The following BPHL variants were observed in gnomAD, a reference collection of about 807,000 sequenced individuals.
BPHL encodes the protein serine hydrolase BPHL.
Under a neutral mutation model 31.2 loss-of-function variants are expected in BPHL, and 27 were observed. The ratio of observed to expected loss-of-function variants is 0.87; its 90% CI spans 0.64 to 1.19. The LOEUF is 1.19. BPHL is among the 50% of genes most tolerant of loss of function. The probability of loss-of-function intolerance (pLI) is 0.00; values close to 1 mark genes in which losing one functional copy is unlikely to be tolerated. For missense variants in BPHL, 356 were observed against 375.7 expected, an observed-to-expected ratio of 0.95 and a Z score of 0.43; for synonymous variants, 150 against 146.8, an observed-to-expected ratio of 1.02 and a Z score of -0.16.
At chr6:3,119,269 CT>C in intron 1 of BPHL, 1 of 1,536,478 alleles carries the variant, frequency 6.5e-7, no homozygotes, top group Non-Finnish European at 8.7e-7. Context: ...ATAATCTCTT[CT>C]TTCTCTTATG....
At chr6:3,119,179 T>C in intron 1 of BPHL, 5 of 1,088,062 alleles carry the variant, frequency 4.6e-6, no homozygotes, top group Non-Finnish European at 6.7e-6. Flanking sequence ...GACTCACCCG[T>C]GACGGAGCAC....
At chr6:3,123,140 T>C (rs1012418677) in intron 1 of BPHL, among the ~76,000 whole-genome samples, 4 of 152,228 alleles carry the variant, frequency 2.6e-5, no homozygotes, top group Non-Finnish European at 1.5e-5. Flanking sequence ...TATTCAAGCA[T>C]GAGGGCACAG....
chr6:3,136,570 G>C (rs563215411), intron 4 of BPHL, among the ~76,000 whole-genome samples: 1 of 152,216 alleles, frequency 6.6e-6, no homozygotes, highest in African/African-American at 2.4e-5. Flanking sequence ...TGCCTGCCAG[G>C]TGCCTGACGT....
At chr6:3,127,109 C>A in intron 2 of BPHL, 133 bp from the exon 3 acceptor site, 1 of 572,638 alleles carries the variant, frequency 1.7e-6, no homozygotes, top group Non-Finnish European at 2.9e-6. Flanking sequence ...TGCAAGGCTG[C>A]TTTCCTGATT....
intron 4 of BPHL, among the ~76,000 whole-genome samples, chr6:3,135,037 G>A (rs180788144): frequency 4.6e-5 from 7 of 152,256 alleles, no homozygotes; most frequent in African/African-American, 1.4e-4. Flanking sequence ...ATGCCGCCCG[G>A]CCTCACAATG....
rs887497062 is a variant in BPHL at position 3,137,918 on chromosome 6, A to G, written c.664+425A>G. ...GTGTCTCCCCACGAGGACACTGTTAATCTTTAATCTCAACGGAATTAATAT... is the reference window on the plus strand; with the variant it reads ...GTGTCTCCCCACGAGGACACTGTTAGTCTTTAATCTCAACGGAATTAATAT... On this transcript the variant is annotated intron_variant, in intron 5 of 6. Coordinates refer to ENST00000380379, the MANE Select transcript of BPHL (RefSeq NM_004332.4). 5 of 1,115,676 alleles carry G rather than the reference A, an allele frequency of 4.5e-6. No individual in the cohort carries two copies. In the African/African-American group the frequency reaches 8.1e-5, roughly 18 times the overall value. The allele number at this position is 1,115,676 out of a possible 1,614,324, so 69.1% of individuals were successfully genotyped here. A position where few individuals can be genotyped will look rare whatever the true frequency, so the allele number is the denominator to read the frequency against.
intron 1 of BPHL, among the ~76,000 whole-genome samples, chr6:3,119,996 C>G (rs1462720395): frequency 6.6e-6 from 1 of 151,724 alleles, no homozygotes; most frequent in Non-Finnish European, 1.5e-5. Flanking sequence ...TTCCTGTCTG[C>G]AGAAAGGCAT....
chr6:3,118,800 G>A lies in BPHL; in HGVS notation c.60G>A (p.Leu20=). ...VLRLRLLLSA[L]KPGIHVPRAG... ...GCCTGCGGCTGCTTCTCTCAGCGCT[G>A]AAGCCCGGGATCCACGTCCCACGGG... Residue 20 remains leucine (L), a synonymous_variant, in exon 1 of 7, where the codon CTG becomes CTA. Transcript: ENST00000380379. The A allele has an allele frequency of 8.0e-7, 1 of 1,246,384 alleles. No homozygotes were observed. 77.2% of individuals were successfully genotyped at this position (1,246,384 alleles called of 1,614,324 possible). A position where few individuals can be genotyped will look rare whatever the true frequency, so the allele number is the denominator to read the frequency against.
chr6:3,128,004 A>G (rs1761765715), intron 3 of BPHL, among the ~76,000 whole-genome samples: 1 of 152,106 alleles, frequency 6.6e-6, no homozygotes, highest in Non-Finnish European at 1.5e-5. Context: ...TATTTTTAGT[A>G]GAGACAGGGT....
In BPHL at chr6:3,118,960, C is replaced by CGCAG. The variant is rs1431445197; in HGVS notation, c.107+115_107+116insAGGC. On this transcript the variant is annotated intron_variant, in intron 1 of 6. Coordinates refer to ENST00000380379, the MANE Select transcript of BPHL (RefSeq NM_004332.4). ...CCGGCGCGCGGGCACGGGGCGTGGG[C>CGCAG]GCGGCCTGGCTGCCCTGTCGCCCTT... The CGCAG allele has an allele frequency of 6.7e-6, 6 of 900,542 alleles. No individual in the cohort carries two copies. In the Admixed American group the frequency reaches 2.6e-4, roughly 39 times the overall value. The allele number at this position is 900,542 out of a possible 1,614,324, so 55.8% of individuals were successfully genotyped here.
chr6:3,144,805 T>C (rs1468407099), intron 6 of BPHL, among the ~76,000 whole-genome samples: 1 of 152,088 alleles, frequency 6.6e-6, no homozygotes, highest in East Asian at 1.9e-4. Flanking sequence ...TCAGTGCATG[T>C]TGAAAGAGAG....
intron 1 of BPHL, among the ~76,000 whole-genome samples, chr6:3,121,918 C>A (rs2113743624): frequency 6.6e-6 from 1 of 152,214 alleles, no homozygotes; most frequent in East Asian, 1.9e-4. Flanking sequence ...AAAGATAAAA[C>A]AGGACCTCAT....
rs1441821330 is a variant in BPHL, at chr6:3,137,506, G to A, written c.664+13G>A. 1 of 1,613,448 alleles carries A rather than the reference G, an allele frequency of 6.2e-7. No individual in the cohort carries two copies. Among genetic ancestry groups the A allele is most frequent in the African/African-American group, 1.3e-5 (1 of 74,742 alleles). On this transcript the variant is annotated intron_variant, in intron 5 of 6. Coordinates refer to ENST00000380379, the MANE Select transcript of BPHL (RefSeq NM_004332.4). ...CATCTCCCAGATGGTAGGTTACTGG[G>A]CTTGAAGGGCTCTCTGCCTGTTATA... is the stretch of plus-strand genomic sequence containing the variant.
At chr6:3,141,709 C>G (rs1198597346) in intron 6 of BPHL, among the ~76,000 whole-genome samples, 1 of 152,094 alleles carries the variant, frequency 6.6e-6, no homozygotes, top group Non-Finnish European at 1.5e-5. Flanking sequence ...CACAGTGGCT[C>G]ACACCTGTAA....
chr6:3,123,239 C>G (rs1291452495), intron 1 of BPHL, among the ~76,000 whole-genome samples: 1 of 152,184 alleles, frequency 6.6e-6, no homozygotes, highest in African/African-American at 2.4e-5. Flanking sequence ...GACTGAGAGG[C>G]GTTCTGGAGG....
At chr6:3,138,107 C>G (rs1561795588) in intron 5 of BPHL, 2 of 830,536 alleles carry the variant, frequency 2.4e-6, no homozygotes, top group Non-Finnish European at 3.5e-6. Flanking sequence ...CAATCTCTGT[C>G]TCCTGGGTTC....
chr6:3,130,190 C>G (rs550684896), intron 4 of BPHL, among the ~76,000 whole-genome samples: 3 of 152,308 alleles, frequency 2.0e-5, no homozygotes, highest in African/African-American at 7.2e-5. Context: ...TTTTGTGCAG[C>G]CCACGTACCA....
intron 4 of BPHL, among the ~76,000 whole-genome samples, chr6:3,134,761 C>A (rs1217007492): frequency 6.6e-6 from 1 of 152,118 alleles, no homozygotes; most frequent in East Asian, 1.9e-4. Context: ...TGCCACCACG[C>A]CCGGCTATTT....
At chr6:3,124,762 A>AC (rs3837014) in intron 2 of BPHL, among the ~76,000 whole-genome samples, 18,349 of 152,154 alleles carry the variant, frequency 0.12, 2,986 homozygotes, top group African/African-American at 0.36. Flanking sequence ...CAGATGTAGA[A>AC]CCACGGATAG....
Sources: allele counts gnomAD v4.1 joint callset (sites outside exome capture counted in the v4.1 genomes callset), GRCh38; gene constraint gnomAD v4.1.1; transcripts MANE v1.5; gene names NCBI Gene and HGNC (gene_info 2026-07-23, HGNC 2026-07-21).